The following CHMP7 variants were observed in gnomAD, a reference collection of about 807,000 sequenced individuals.
The protein encoded by CHMP7 is CHMP family, member 7.
CHMP7 carries 15 observed loss-of-function variants against 53.7 expected under a neutral mutation model. The observed-to-expected ratio is 0.28, with a 90% confidence interval of 0.19 to 0.43. CHMP7 has a LOEUF of 0.43. CHMP7 is among the 20% of genes least tolerant of loss of function. The pLI is 1.00. For synonymous variants in CHMP7, 261 were observed against 228.0 expected (o/e 1.14, Z -1.30); for missense variants, 527 against 569.4 (o/e 0.93, Z 0.76).
Position 23,259,819 on chromosome 8 carries a change from C to T in CHMP7, c.1121-325C>T, listed in dbSNP as rs1445397867. 17 of 238,730 alleles carry T rather than the reference C, an allele frequency of 7.1e-5. No individual in the cohort carries two copies. In the Admixed American group the frequency reaches 7.6e-4, roughly 11 times the overall value. The allele number at this position is 238,730 out of a possible 1,614,324, so 14.8% of individuals were successfully genotyped here. On this transcript the variant is annotated intron_variant, in intron 9 of 10. Transcript: ENST00000397677. ...AGTCAGGGAATTGCCATTTCCTCCTCGACAGCTGTGCTCATGACCCATCTG... is the reference window on the plus strand; with the variant it reads ...AGTCAGGGAATTGCCATTTCCTCCTTGACAGCTGTGCTCATGACCCATCTG...
chr8:23,253,914 G>A (rs1462163946), intron 3 of CHMP7, among the ~76,000 whole-genome samples: 3 of 152,126 alleles, frequency 2.0e-5, no homozygotes, highest in Non-Finnish European at 4.4e-5. Context: ...TTGGCAGTTA[G>A]CTTTCTGTTA....
chr8:23,256,413 C>A (rs369849898), intron 4 of CHMP7, 47 bp from the exon 5 acceptor site: 156 of 1,484,790 alleles, frequency 1.1e-4, no homozygotes, highest in Middle Eastern at 7.6e-4. Flanking sequence ...TTGGGAATTT[C>A]TCAGCCTTTG....
chr8:23,260,613 AG>A lies in CHMP7; in HGVS notation c.*16del. 6.2e-7 allele frequency: 1 copy of A among 1,606,506 alleles called. No homozygotes were observed. The highest frequency in any genetic ancestry group is 8.5e-7 in the Non-Finnish European group (1 of 1,173,016). On this transcript the variant is annotated 3_prime_UTR_variant, in exon 11 of 11. Transcript: ENST00000397677. ...AAGCCATTGTAGGACCCTCAAGTGAAGGACCCTCATGTAAAAGAGAGACCAG... is the reference window on the plus strand; with the variant it reads ...AAGCCATTGTAGGACCCTCAAGTGAAGACCCTCATGTAAAAGAGAGACCAG...
At position 23,246,899 on chromosome 8, in the gene CHMP7, G is replaced by A; in HGVS notation, c.204G>A (p.Gly68=). 4.4e-6 allele frequency: 7 copies of A among 1,582,710 alleles called. No individual in the cohort carries two copies. Among genetic ancestry groups the A allele is most frequent in the South Asian group, 3.4e-5 (3 of 86,990 alleles). Residue 68 remains glycine (G), a synonymous_variant, in exon 2 of 11, where the codon GGG becomes GGA. Coordinates refer to ENST00000397677, the MANE Select transcript of CHMP7 (RefSeq NM_152272.5). The part of the protein sequence containing the change: ...PLVLSHSRRQ[G]VVRLRLRDLQ... ...TGCTGAGCCACAGCCGCCGCCAGGG[G>A]GTGGTGCGCCTGCGTCTGCGGGACT...
intron 1 of CHMP7, among the ~76,000 whole-genome samples, chr8:23,245,450 C>T (rs941622990): frequency 6.6e-6 from 1 of 152,184 alleles, no homozygotes; most frequent in Non-Finnish European, 1.5e-5. Context: ...ATTGAACTAG[C>T]CTTGCCTAGC....
chr8:23,256,670 G>A lies in CHMP7; in HGVS notation c.791+77G>A. 4.1e-6 allele frequency: 5 copies of A among 1,231,948 alleles called. 1 individual carries two copies. In the South Asian group the frequency reaches 8.0e-5, roughly 20 times the overall value. The allele number at this position is 1,231,948 out of a possible 1,614,324, so 76.3% of individuals were successfully genotyped here. A position where few individuals can be genotyped will look rare whatever the true frequency, so the allele number is the denominator to read the frequency against. ...AGCCAGCAAAATGTTAGTATATGTG[G>A]GCTTTTAAAAAATAGGTGGGTTTTT... On this transcript the variant is annotated intron_variant, in intron 5 of 10. Coordinates refer to ENST00000397677, the MANE Select transcript of CHMP7 (RefSeq NM_152272.5).
Position 23,259,064 on chromosome 8 carries a change from A to G in CHMP7, c.1060-2A>G. On this transcript the variant is annotated splice_acceptor_variant, in intron 8 of 10. Coordinates refer to ENST00000397677, the MANE Select transcript of CHMP7 (RefSeq NM_152272.5). LOFTEE classifies it high-confidence loss of function. The stretch of plus-strand genomic sequence containing the variant: ...TCAAGGCTTTGCACTTGTCTCTTAC[A>G]GCTCTGTGACACCCAGGATGAAGTT... The G allele has an allele frequency of 1.2e-6, 2 of 1,604,480 alleles. No individual in the cohort carries two copies. Among genetic ancestry groups the G allele is most frequent in the Non-Finnish European group, 1.7e-6 (2 of 1,171,276 alleles).
At chr8:23,259,492 C>G (rs1193124405) in intron 9 of CHMP7, among the ~76,000 whole-genome samples, 1 of 151,996 alleles carries the variant, frequency 6.6e-6, no homozygotes, top group Admixed American at 6.6e-5. Flanking sequence ...TCCTGAGTAG[C>G]TGGGATTATA....
At chr8:23,245,114 C>A (rs1801639335) in intron 1 of CHMP7, among the ~76,000 whole-genome samples, 1 of 152,150 alleles carries the variant, frequency 6.6e-6, no homozygotes, top group African/African-American at 2.4e-5. Flanking sequence ...GTCTGTACAA[C>A]TTTTATTTCT....
chr8:23,255,363 C>T lies in CHMP7; in HGVS notation c.588C>T (p.Thr196=), dbSNP rs1802084432. ...CTAACTCCTGCCCAGATGAGAGGACCTTCTACTTGGTGTTGCTGCAGCTGC... is the reference window on the plus strand; with the variant it reads ...CTAACTCCTGCCCAGATGAGAGGACTTTCTACTTGGTGTTGCTGCAGCTGC... ...LCANSCPDER[T]FYLVLLQLQK... The change falls in exon 4 of 11, where the codon ACC becomes ACT. Residue 196 remains threonine, a synonymous_variant. Transcript: ENST00000397677. The T allele has an allele frequency of 6.2e-7, 1 of 1,614,168 alleles. No individual in the cohort carries two copies.
intron 4 of CHMP7, 118 bp from the exon 5 acceptor site, chr8:23,256,342 C>T: frequency 1.4e-6 from 1 of 723,746 alleles, no homozygotes; most frequent in East Asian, 2.5e-5. Context: ...TTCACTGGAA[C>T]ATATCCCCCA....
intron 4 of CHMP7, among the ~76,000 whole-genome samples, chr8:23,256,223 A>G (rs1414037743): frequency 6.6e-6 from 1 of 152,224 alleles, no homozygotes; most frequent in Non-Finnish European, 1.5e-5. Context: ...GATCTACAGT[A>G]AGAATGAATC....
intron 3 of CHMP7, 119 bp downstream of exon 3, chr8:23,249,500 T>TC: frequency 1.4e-6 from 1 of 720,104 alleles, no homozygotes; most frequent in Non-Finnish European, 2.2e-6. Context: ...ACTGAGTTGA[T>TC]AACTGAGTTT....
intron 9 of CHMP7, among the ~76,000 whole-genome samples, 188 bp downstream of exon 9, chr8:23,259,314 G>C (rs10092563): frequency 6.7e-6 from 1 of 148,490 alleles, no homozygotes; most frequent in East Asian, 2.0e-4. Flanking sequence ...GACTACAGGC[G>C]CCTGCCACTA....
intron 10 of CHMP7, 89 bp from the exon 11 acceptor site, chr8:23,260,449 T>A: frequency 6.6e-7 from 1 of 1,504,858 alleles, no homozygotes; most frequent in Non-Finnish European, 9.3e-7. Context: ...GAGGGTTGTT[T>A]ATATTAAGAC....
rs1402490988 is a variant in CHMP7 at position 23,258,315 on chromosome 8, T to C, written c.841-15T>C. 2.5e-6 allele frequency: 4 copies of C among 1,614,078 alleles called. No individual in the cohort carries two copies. The highest frequency in any genetic ancestry group is 3.4e-6 in the Non-Finnish European group (4 of 1,180,030). On this transcript the variant is annotated splice_polypyrimidine_tract_variant and intron_variant, in intron 6 of 10. Transcript: ENST00000397677. ...TCGCCCAGTTCAGCACTGACCTAAG[T>C]CTCCATGCCTCCAGGCACTGAGGTC...
At position 23,246,324 on chromosome 8, in the gene CHMP7, T is replaced by G; in HGVS notation, c.-372T>G. ...CCTCTGCGGCTATTCCCCAGTTCCATTTTCTGAAGCCACAGGTCAGAAGCC... is the reference window on the plus strand; with the variant it reads ...CCTCTGCGGCTATTCCCCAGTTCCAGTTTCTGAAGCCACAGGTCAGAAGCC... On this transcript the variant is annotated 5_prime_UTR_variant, in exon 2 of 11. Transcript: ENST00000397677. 2 of 222,426 alleles carry G rather than the reference T, an allele frequency of 9.0e-6. No individual in the cohort carries two copies. Among genetic ancestry groups the G allele is most frequent in the Admixed American group, 5.4e-5 (1 of 18,682 alleles). The allele number at this position is 222,426 out of a possible 1,614,324, so 13.8% of individuals were successfully genotyped here.
chr8:23,249,719 C>A (rs1023504303), intron 3 of CHMP7, among the ~76,000 whole-genome samples: 1 of 152,198 alleles, frequency 6.6e-6, no homozygotes, highest in Non-Finnish European at 1.5e-5. Flanking sequence ...GACCTTGTGG[C>A]TTTCAGCATT....
At chr8:23,253,096 C>T (rs1475515569) in intron 3 of CHMP7, among the ~76,000 whole-genome samples, 3 of 152,100 alleles carry the variant, frequency 2.0e-5, no homozygotes, top group African/African-American at 7.3e-5. Flanking sequence ...TTGTGGCTTC[C>T]TTCACTTCCT....
Sources: allele counts gnomAD v4.1 joint callset (sites outside exome capture counted in the v4.1 genomes callset), GRCh38; gene constraint gnomAD v4.1.1; transcripts MANE v1.5; gene names NCBI Gene and HGNC (gene_info 2026-07-23, HGNC 2026-07-21).